YWHAZ: variants seen among roughly 807,000 people sequenced by gnomAD.
The protein encoded by YWHAZ is 14-3-3 protein zeta/delta.
For missense variants in YWHAZ, 79 were observed against 284.8 expected (o/e 0.28, Z 5.20); for synonymous variants, 87 against 103.6 (o/e 0.84, Z 0.97).
rs1234760395 is a variant in YWHAZ, at chr8:100,927,680, A to AT, written c.295-2642dup. On this transcript the variant is annotated intron_variant, in intron 2 of 5. Coordinates refer to ENST00000395958, the MANE Select transcript of YWHAZ (RefSeq NM_145690.3). ...TTTTAAAGCTGTACTAAAAACTTAA[A>AT]TTTTTTTAGGAAAGGTGTTGATAAA... is the stretch of plus-strand genomic sequence containing the variant. 2.6e-5 allele frequency among the ~76,000 whole-genome samples: 4 copies of AT among 152,194 alleles called. No individual in the cohort carries two copies. In the East Asian group the frequency reaches 7.7e-4, roughly 29 times the overall value.
intron 1 of YWHAZ, chr8:100,951,038 GTCCACACC>G: frequency 5.6e-6 from 1 of 179,418 alleles, no homozygotes. Context: ...TGCAGCCCCC[GTCCACACC>G]TCCCCCGCCC....
At chr8:100,950,062 A>G (rs1190974776) in intron 1 of YWHAZ, among the ~76,000 whole-genome samples, 5 of 152,188 alleles carry the variant, frequency 3.3e-5, no homozygotes, top group Non-Finnish European at 7.4e-5. Context: ...GGGAAATCCC[A>G]CAATATTTTT....
Position 100,948,269 on chromosome 8 carries a change from C to G in YWHAZ, c.294+327G>C. 1 of 792,684 alleles carries G rather than the reference C, an allele frequency of 1.3e-6. No individual in the cohort carries two copies. The highest frequency in any genetic ancestry group is 1.9e-6 in the Non-Finnish European group (1 of 526,116). The allele number at this position is 792,684 out of a possible 1,614,324, so 49.1% of individuals were successfully genotyped here. On this transcript the variant is annotated intron_variant, in intron 2 of 5. Transcript: ENST00000395958. The surrounding 1 kb of genome is among the most constrained non-coding windows in gnomAD (Gnocchi z 4.2). ...TCCACAGATGTACATTTAAGATAAC[C>G]AGCTATAGAGCTACTACAAATATTC...
upstream of YWHAZ, chr8:100,952,727 C>T: frequency 3.2e-6 from 3 of 952,150 alleles, no homozygotes; most frequent in Non-Finnish European, 3.8e-6. Flanking sequence ...GGCGCGGTCG[C>T]ACGGCAAGGG....
intron 2 of YWHAZ, among the ~76,000 whole-genome samples, chr8:100,944,134 A>G (rs1004180553): frequency 2.0e-5 from 3 of 152,234 alleles, no homozygotes; most frequent in African/African-American, 7.2e-5. Flanking sequence ...AATAAAATGA[A>G]ATAGTAACAA....
intron 1 of YWHAZ, chr8:100,950,639 G>C (rs1210852963): frequency 3.1e-6 from 3 of 964,310 alleles, no homozygotes; most frequent in African/African-American, 1.8e-5. Context: ...GGAGCAGCCC[G>C]CGCCCCCGCC....
Position 100,924,092 on chromosome 8 carries a change from A to G in YWHAZ, c.583-42T>C, listed in dbSNP as rs778554503. 6.2e-7 allele frequency: 1 copy of G among 1,608,312 alleles called. No individual in the cohort carries two copies. The highest frequency in any genetic ancestry group is 1.7e-5 in the Admixed American group (1 of 58,404). On this transcript the variant is annotated intron_variant, in intron 4 of 5. Coordinates refer to ENST00000395958, the MANE Select transcript of YWHAZ (RefSeq NM_145690.3). This position sits in a 1 kb window ranked among gnomAD's most constrained non-coding sequence, Gnocchi z 5.7. ...GTACATTACATTTCAGTGCTCAAAT[A>G]ATAAAGACTGCTAAATTTCTACGTA...
At chr8:100,927,352 G>C (rs561901820) in intron 2 of YWHAZ, among the ~76,000 whole-genome samples, 2 of 152,164 alleles carry the variant, frequency 1.3e-5, no homozygotes, top group South Asian at 4.1e-4. Context: ...ATGAGATCCT[G>C]CCTCTACAAA....
intron 2 of YWHAZ, among the ~76,000 whole-genome samples, chr8:100,929,434 AG>A (rs1813605420): frequency 6.6e-6 from 1 of 152,162 alleles, no homozygotes; most frequent in Non-Finnish European, 1.5e-5. Context: ...TTCTGACTTC[AG>A]GTGATCCACC....
intron 2 of YWHAZ, among the ~76,000 whole-genome samples, chr8:100,940,906 T>TG (rs1311432185): frequency 6.6e-6 from 1 of 152,242 alleles, no homozygotes; most frequent in African/African-American, 2.4e-5. Context: ...ATCCTTTATT[T>TG]TTAGAAATGT....
rs1425681022 is a variant in YWHAZ, at chr8:100,937,759, G to C, written c.294+10837C>G. On this transcript the variant is annotated intron_variant, in intron 2 of 5. Transcript: ENST00000395958. Reference sequence around the variant, plus strand: ...AGCATACACACACCAGAAGTTAAAAGGTTGAGGTAGCAAGTAACTGAGGCA... The same window carrying C: ...AGCATACACACACCAGAAGTTAAAACGTTGAGGTAGCAAGTAACTGAGGCA... 1.3e-5 allele frequency among the ~76,000 whole-genome samples: 2 copies of C among 152,190 alleles called. 1 individual carries two copies. Among genetic ancestry groups the C allele is most frequent in the South Asian group, 4.1e-4 (2 of 4,832 alleles).
At chr8:100,921,321 G>C (rs1398597263) in intron 5 of YWHAZ, among the ~76,000 whole-genome samples, 1 of 152,142 alleles carries the variant, frequency 6.6e-6, no homozygotes, top group African/African-American at 2.4e-5. Flanking sequence ...GAGCCACTGT[G>C]CCCAGGCCCT....
intron 2 of YWHAZ, among the ~76,000 whole-genome samples, chr8:100,938,210 T>G (rs561270218): frequency 6.6e-6 from 1 of 152,278 alleles, no homozygotes; most frequent in South Asian, 2.1e-4. Context: ...CATCCCCCCC[T>G]ACAAACCCAG....
At position 100,918,408 on chromosome 8, in the gene YWHAZ, T is replaced by TTATATATATATATATATATATATATATA. The variant is rs71572094; in HGVS notation, c.*2257_*2284dup. The TTATATATATATATATATATATATATATA allele has an allele frequency of 3.8e-4, 16 of 41,876 alleles. 1 individual carries two copies. The highest frequency in any genetic ancestry group is 5.8e-4 in the Non-Finnish European group (12 of 20,780). 2.6% of individuals were successfully genotyped at this position (41,876 alleles called of 1,614,324 possible). A position where few individuals can be genotyped will look rare whatever the true frequency, so the allele number is the denominator to read the frequency against. On this transcript the variant is annotated 3_prime_UTR_variant, in exon 6 of 6. Transcript: ENST00000395958. ...AGTCTAGCTATAAAATATAATTACT[T>TTATATATATATATATATATATATATATA]TATATATATATATATATATATATAT...
rs144807033 is a variant in YWHAZ, at chr8:100,930,319, G to A, written c.295-5280C>T. Among the ~76,000 whole-genome samples the A allele has an allele frequency of 9.4e-3, 1,428 of 152,234 alleles. 20 individuals are homozygous for A. Among genetic ancestry groups the A allele is most frequent in the African/African-American group, 0.031 (1,305 of 41,544 alleles). On this transcript the variant is annotated intron_variant, in intron 2 of 5. Coordinates refer to ENST00000395958, the MANE Select transcript of YWHAZ (RefSeq NM_145690.3). Reference sequence around the variant, plus strand: ...TCACTGCATTGGCCAGGCTAGTCTTGAACTCCTGACCTCATGATCCACCTG... The same window carrying A: ...TCACTGCATTGGCCAGGCTAGTCTTAAACTCCTGACCTCATGATCCACCTG...
intron 2 of YWHAZ, among the ~76,000 whole-genome samples, chr8:100,929,907 G>A (rs1205724862): frequency 4.0e-5 from 6 of 151,892 alleles, no homozygotes; most frequent in Non-Finnish European, 8.8e-5. Flanking sequence ...ATGGAAGGGA[G>A]GAAAGGGCTG....
At chr8:100,921,380 G>A (rs1813015613) in intron 5 of YWHAZ, among the ~76,000 whole-genome samples, 1 of 152,088 alleles carries the variant, frequency 6.6e-6, no homozygotes, top group Non-Finnish European at 1.5e-5. Context: ...AACCTAAAGA[G>A]CCCCAATATG....
At chr8:100,933,246 C>G (rs982032417) in intron 2 of YWHAZ, among the ~76,000 whole-genome samples, 2 of 151,942 alleles carry the variant, frequency 1.3e-5, no homozygotes, top group African/African-American at 4.8e-5. Flanking sequence ...ATAATCCCAG[C>G]TACTCGGGAG....
chr8:100,950,421 G>A (rs577759733), intron 1 of YWHAZ: 2 of 985,330 alleles, frequency 2.0e-6, no homozygotes, highest in Non-Finnish European at 2.4e-6. Context: ...TTGAGACGTC[G>A]GTTACTGTGA....
Sources: allele counts gnomAD v4.1 joint callset (sites outside exome capture counted in the v4.1 genomes callset), GRCh38; gene constraint gnomAD v4.1.1; non-coding constraint Gnocchi (gnomAD v3.1); transcripts MANE v1.5; gene names NCBI Gene and HGNC (gene_info 2026-07-23, HGNC 2026-07-21).